Variants in RALGPS1 observed in about 807,000 individuals in gnomAD.
The protein encoded by RALGPS1 is Ral GEF with PH domain and SH3 binding motif 1, also known as ras-specific guanine nucleotide-releasing factor RalGPS1.
RALGPS1 carries 19 observed loss-of-function variants against 78.8 expected under a neutral mutation model. The ratio of observed to expected loss-of-function variants is 0.24; its 90% CI spans 0.17 to 0.35. The LOEUF (loss-of-function observed/expected upper bound fraction) is 0.35, where lower values mean the gene tolerates loss of function less well. RALGPS1 is among the 10% of genes least tolerant of loss of function. The pLI is 1.00. For missense variants in RALGPS1, 454 were observed against 688.3 expected (o/e 0.66, Z 3.81); for synonymous variants, 228 against 256.3 (o/e 0.89, Z 1.06).
chr9:127,210,503 G>A (rs1366765751), intron 14 of RALGPS1: 1 of 593,554 alleles, frequency 1.7e-6, no homozygotes, highest in Non-Finnish European at 3.0e-6. Context: ...GGGGTGCTGT[G>A]TTTACTGGCC....
At chr9:127,013,824 C>T (rs2133963063) in intron 4 of RALGPS1, among the ~76,000 whole-genome samples, 1 of 152,294 alleles carries the variant, frequency 6.6e-6, no homozygotes, top group South Asian at 2.1e-4. Context: ...TCTGGCCTTC[C>T]CACAGGTCCT....
intron 8 of RALGPS1, among the ~76,000 whole-genome samples, chr9:127,082,745 C>G (rs974681892): frequency 3.3e-5 from 5 of 152,090 alleles, no homozygotes; most frequent in Non-Finnish European, 7.4e-5. Flanking sequence ...GAATCCACCT[C>G]GTAGAGTTGT....
At chr9:127,034,747 T>G (rs1350493850) in intron 5 of RALGPS1, among the ~76,000 whole-genome samples, 1 of 152,180 alleles carries the variant, frequency 6.6e-6, no homozygotes, top group Non-Finnish European at 1.5e-5. Flanking sequence ...GACTTCCAGT[T>G]TCACTTAAGC....
intron 8 of RALGPS1, chr9:127,108,378 G>T (rs774915769): frequency 1.9e-6 from 3 of 1,609,664 alleles, no homozygotes; most frequent in Admixed American, 1.7e-5. Flanking sequence ...GCTTCACCTC[G>T]CTCACAATGC....
intron 8 of RALGPS1, among the ~76,000 whole-genome samples, chr9:127,141,636 A>G (rs1323551507): frequency 3.3e-5 from 5 of 151,276 alleles, no homozygotes; most frequent in Admixed American, 6.6e-5. Context: ...AAAAAAAAAA[A>G]AAAAGAAAGA....
rs531001083 is a variant in RALGPS1 at position 127,108,336 on chromosome 9, C to T, written c.610+38980C>T. ...GCTGCATGTAGAGCTGCGTGACCCG[C>T]GAGTTCATGTTGCGGCTCTCCTTGC... is the stretch of plus-strand genomic sequence containing the variant. On this transcript the variant is annotated intron_variant, in intron 8 of 18. Transcript: ENST00000259351. The T allele has an allele frequency of 5.1e-5, 83 of 1,613,166 alleles. 1 individual carries two copies. Among genetic ancestry groups the T allele is most frequent in the South Asian group, 3.3e-4 (30 of 91,028 alleles).
chr9:127,018,691 G>A (rs748524157), intron 4 of RALGPS1, among the ~76,000 whole-genome samples: 4 of 148,944 alleles, frequency 2.7e-5, no homozygotes, highest in East Asian at 2.0e-4. Flanking sequence ...ACGATGAAAA[G>A]TATAGCAAAT....
At chr9:127,106,541 C>T (rs142149093) in intron 8 of RALGPS1, among the ~76,000 whole-genome samples, 96 of 152,276 alleles carry the variant, frequency 6.3e-4, no homozygotes, top group Non-Finnish European at 1.1e-3. Flanking sequence ...ATGAGGAAAC[C>T]GAGCCTCAGG....
chr9:127,019,113 C>A (rs911935318), intron 4 of RALGPS1, among the ~76,000 whole-genome samples: 1 of 152,078 alleles, frequency 6.6e-6, no homozygotes, highest in Non-Finnish European at 1.5e-5. Context: ...ATAGGCCTTT[C>A]GCAACCAGGA....
At chr9:127,148,430 C>A (rs917400400) in intron 8 of RALGPS1, among the ~76,000 whole-genome samples, 3 of 152,230 alleles carry the variant, frequency 2.0e-5, no homozygotes, top group African/African-American at 7.2e-5. Context: ...TCCTGTGAGC[C>A]TAGCACAGAG....
intron 1 of RALGPS1, among the ~76,000 whole-genome samples, chr9:126,951,501 A>T (rs2037813508): frequency 6.6e-6 from 1 of 151,336 alleles, no homozygotes; most frequent in Non-Finnish European, 1.5e-5. Context: ...CTGGGATGCA[A>T]GGCTGGTTCA....
chr9:126,963,757 C>T (rs2039157521), intron 2 of RALGPS1, among the ~76,000 whole-genome samples: 2 of 152,290 alleles, frequency 1.3e-5, no homozygotes, highest in South Asian at 4.1e-4. Context: ...ACACAGCTGC[C>T]ATGTGGGTGG....
intron 8 of RALGPS1, among the ~76,000 whole-genome samples, chr9:127,129,835 C>T (rs1296747361): frequency 6.6e-6 from 1 of 152,210 alleles, no homozygotes; most frequent in Non-Finnish European, 1.5e-5. Context: ...GCTGGGTAAT[C>T]CTGGCTCAGA....
At chr9:127,052,053 T>A (rs1456446564) in intron 6 of RALGPS1, among the ~76,000 whole-genome samples, 1 of 152,188 alleles carries the variant, frequency 6.6e-6, no homozygotes, top group Non-Finnish European at 1.5e-5. Context: ...AGAAGTGCCG[T>A]GATTGCCTTC....
At chr9:127,116,894 A>G (rs2055486593) in intron 8 of RALGPS1, among the ~76,000 whole-genome samples, 1 of 152,200 alleles carries the variant, frequency 6.6e-6, no homozygotes, top group South Asian at 2.1e-4. Flanking sequence ...CAAGTGGTGG[A>G]GCTGGGCCCA....
intron 2 of RALGPS1, among the ~76,000 whole-genome samples, chr9:126,964,001 A>G (rs2039188544): frequency 6.6e-6 from 1 of 152,188 alleles, no homozygotes; most frequent in South Asian, 2.1e-4. Context: ...TAACTTTTCA[A>G]AAGTTCACTC....
rs535557834 is a variant in RALGPS1, at chr9:127,108,539, C to T, written c.610+39183C>T. 84 of 1,613,252 alleles carry T rather than the reference C, an allele frequency of 5.2e-5. No homozygotes were observed. Among genetic ancestry groups the T allele is most frequent in the Non-Finnish European group, 6.7e-5 (79 of 1,179,870 alleles). On this transcript the variant is annotated intron_variant, in intron 8 of 18. Transcript: ENST00000259351. ...GAGTTGACGCAGATGGCACCCGTGA[C>T]CCGCTGCTGGGGCACAATGAAGGTG...
At chr9:127,029,073 C>T (rs1352559798) in intron 4 of RALGPS1, among the ~76,000 whole-genome samples, 1 of 152,108 alleles carries the variant, frequency 6.6e-6, no homozygotes, top group Non-Finnish European at 1.5e-5. Context: ...TGCACCTTTG[C>T]TACTGCCACA....
At chr9:127,176,505 A>G (rs1678459126) in intron 11 of RALGPS1, among the ~76,000 whole-genome samples, 1 of 152,188 alleles carries the variant, frequency 6.6e-6, no homozygotes, top group Admixed American at 6.5e-5. Context: ...AGACTAGCCT[A>G]TTGCATCGGG....
Sources: allele counts gnomAD v4.1 joint callset (sites outside exome capture counted in the v4.1 genomes callset), GRCh38; gene constraint gnomAD v4.1.1; transcripts MANE v1.5; gene names NCBI Gene and HGNC (gene_info 2026-07-23, HGNC 2026-07-21).